Variants in WDR70 observed in about 807,000 individuals in gnomAD.
WDR70 encodes WD repeat domain 70, also known as WD repeat-containing protein 70.
Under a neutral mutation model 88.6 loss-of-function variants are expected in WDR70, and 53 were observed. The observed-to-expected ratio is 0.60, with a 90% CI of 0.48 to 0.75. The LOEUF (loss-of-function observed/expected upper bound fraction) is 0.75. Among genes scored for constraint, WDR70 ranks in the 30% least tolerant of loss-of-function variants. The probability of loss-of-function intolerance (pLI) is 0.00; values close to 1 mark genes in which losing one functional copy is unlikely to be tolerated. For missense variants in WDR70, 610 were observed against 823.2 expected (o/e 0.74, Z 3.17); for synonymous variants, 280 against 270.0 (o/e 1.04, Z -0.36).
intron 3 of WDR70, among the ~76,000 whole-genome samples, chr5:37,391,357 C>T (rs1016530424): frequency 6.6e-6 from 1 of 152,168 alleles, no homozygotes; most frequent in African/African-American, 2.4e-5. Flanking sequence ...CCATCCATCT[C>T]TATAACACTG....
At chr5:37,448,080 A>G (rs1029552081) in intron 7 of WDR70, among the ~76,000 whole-genome samples, 2 of 152,206 alleles carry the variant, frequency 1.3e-5, no homozygotes, top group African/African-American at 4.8e-5. Flanking sequence ...TGGTGGTGAT[A>G]AATGAGTTGT....
intron 16 of WDR70, among the ~76,000 whole-genome samples, chr5:37,725,370 A>G (rs1022555014): frequency 6.6e-6 from 1 of 151,794 alleles, no homozygotes; most frequent in African/African-American, 2.4e-5. Context: ...CAGTGTTAAA[A>G]CCACTGCTCT....
chr5:37,472,720 A>G (rs1205923715), intron 7 of WDR70, among the ~76,000 whole-genome samples: 1 of 152,026 alleles, frequency 6.6e-6, no homozygotes, highest in Admixed American at 6.5e-5. Context: ...GTTGATCTCA[A>G]ACTCCTGGCC....
intron 7 of WDR70, among the ~76,000 whole-genome samples, chr5:37,455,961 T>C (rs1212022730): frequency 1.3e-5 from 2 of 152,172 alleles, no homozygotes; most frequent in Non-Finnish European, 2.9e-5. Flanking sequence ...AGTACTCTTT[T>C]GTATGACTAT....
At chr5:37,384,337 A>C (rs550136172) in intron 3 of WDR70, among the ~76,000 whole-genome samples, 1 of 151,714 alleles carries the variant, frequency 6.6e-6, no homozygotes, top group Non-Finnish European at 1.5e-5. Flanking sequence ...TGGTGCTACC[A>C]CACCCCACTA....
intron 7 of WDR70, among the ~76,000 whole-genome samples, chr5:37,459,565 A>C (rs1738935618): frequency 2.8e-5 from 2 of 72,414 alleles, no homozygotes; most frequent in Admixed American, 3.8e-4. Flanking sequence ...TTTAAACGTT[A>C]GACCTAAAAC....
rs146597761 is a variant in WDR70, at chr5:37,615,915, A to C, written c.1092+10677A>C. On this transcript the variant is annotated intron_variant, in intron 10 of 17. Transcript: ENST00000265107. ...CTACTTCATACCCTCATCACCTTTA[A>C]CTTGTGATGCTGGCTATCCTCACCC... Among the ~76,000 whole-genome samples the C allele has an allele frequency of 7.0e-3, 1,067 of 152,084 alleles. 13 individuals are homozygous for C. Among genetic ancestry groups the C allele is most frequent in the African/African-American group, 0.024 (1,015 of 41,472 alleles).
intron 10 of WDR70, among the ~76,000 whole-genome samples, chr5:37,656,888 G>T (rs1745569902): frequency 6.6e-6 from 1 of 152,184 alleles, no homozygotes; most frequent in South Asian, 2.1e-4. Flanking sequence ...TGATCTCCAT[G>T]TGGGTGGGAA....
intron 8 of WDR70, among the ~76,000 whole-genome samples, chr5:37,495,400 T>G (rs1388789464): frequency 6.6e-6 from 1 of 151,998 alleles, no homozygotes. Context: ...GTCATTGGGG[T>G]AGCCACAAGA....
intron 9 of WDR70, among the ~76,000 whole-genome samples, chr5:37,560,927 C>T (rs1336270467): frequency 6.6e-6 from 1 of 151,386 alleles, no homozygotes; most frequent in Admixed American, 6.6e-5. Flanking sequence ...TCCTCCTTCT[C>T]CAGCCTCTTG....
intron 9 of WDR70, among the ~76,000 whole-genome samples, chr5:37,517,983 C>T (rs532234505): frequency 2.0e-5 from 3 of 151,052 alleles, no homozygotes; most frequent in East Asian, 1.9e-4. Flanking sequence ...GTCACGATCT[C>T]GGCTCACTGC....
chr5:37,592,947 G>T (rs528646339), intron 9 of WDR70, among the ~76,000 whole-genome samples: 1 of 152,204 alleles, frequency 6.6e-6, no homozygotes, highest in African/African-American at 2.4e-5. Flanking sequence ...TTGAGGCAAA[G>T]AGTTCCAGAC....
chr5:37,432,799 G>A (rs1216039415), intron 5 of WDR70, among the ~76,000 whole-genome samples: 3 of 151,766 alleles, frequency 2.0e-5, no homozygotes, highest in Non-Finnish European at 4.4e-5. Context: ...GACCTTCCTC[G>A]TGATCTGCCT....
intron 8 of WDR70, among the ~76,000 whole-genome samples, chr5:37,483,265 G>T (rs1320383111): frequency 6.6e-6 from 1 of 152,004 alleles, no homozygotes; most frequent in Middle Eastern, 3.4e-3. Context: ...CGCAGTGTTT[G>T]TGTCCCTGGG....
intron 10 of WDR70, among the ~76,000 whole-genome samples, chr5:37,677,858 T>C (rs1045166440): frequency 2.6e-5 from 4 of 152,200 alleles, no homozygotes; most frequent in African/African-American, 9.7e-5. Context: ...TATTATTGTG[T>C]GGGAGTCTAA....
intron 10 of WDR70, among the ~76,000 whole-genome samples, chr5:37,671,694 T>C (rs1452507317): frequency 6.6e-6 from 1 of 152,222 alleles, no homozygotes; most frequent in Non-Finnish European, 1.5e-5. Flanking sequence ...TTCTCCTGCA[T>C]TGATAGATAC....
intron 10 of WDR70, among the ~76,000 whole-genome samples, chr5:37,613,372 A>G (rs1249318254): frequency 6.6e-6 from 1 of 152,226 alleles, no homozygotes; most frequent in Non-Finnish European, 1.5e-5. Flanking sequence ...TGATAGCAGA[A>G]AAGAGGTATC....
intron 9 of WDR70, among the ~76,000 whole-genome samples, chr5:37,540,247 G>A (rs1741777911): frequency 6.6e-6 from 1 of 152,196 alleles, no homozygotes; most frequent in South Asian, 2.1e-4. Flanking sequence ...ATGATTGTAA[G>A]AATGCTTGAT....
intron 7 of WDR70, among the ~76,000 whole-genome samples, chr5:37,453,581 G>C (rs1403708404): frequency 6.6e-6 from 1 of 152,214 alleles, no homozygotes; most frequent in Non-Finnish European, 1.5e-5. Flanking sequence ...GGGCATTATG[G>C]CCATCAGGAA....
Sources: allele counts gnomAD v4.1 joint callset (sites outside exome capture counted in the v4.1 genomes callset), GRCh38; gene constraint gnomAD v4.1.1; transcripts MANE v1.5; gene names NCBI Gene and HGNC (gene_info 2026-07-23, HGNC 2026-07-21).